PCGF3: variants seen among roughly 807,000 people sequenced by gnomAD.
PCGF3 encodes polycomb group ring finger 3, also known as polycomb group RING finger protein 3.
In PCGF3, 7 loss-of-function variants were observed where a neutral mutation model predicts 33.1. That is an observed-to-expected ratio of 0.21 (90% CI 0.12 to 0.40). The LOEUF (loss-of-function observed/expected upper bound fraction) is 0.40. Among genes scored for constraint, PCGF3 ranks in the 10% least tolerant of loss-of-function variants. The pLI is 1.00. For missense variants in PCGF3, 211 were observed against 313.3 expected (o/e 0.67, Z 2.46); for synonymous variants, 153 against 121.3 (o/e 1.26, Z -1.72).
exon 11 of PCGF3, chr4:767,914 T>G (rs1745450882): frequency 6.5e-6 from 1 of 152,688 alleles, no homozygotes; most frequent in Admixed American, 6.5e-5. Context: ...GTTATCACAG[T>G]GCAGTTTTAA....
intron 8 of PCGF3, chr4:757,774 CT>C (rs1744831640): frequency 1.3e-5 from 2 of 152,148 alleles, no homozygotes; most frequent in Admixed American, 6.6e-5. Context: ...GAATTAGTAA[CT>C]TTCTTTAATC....
intron 10 of PCGF3, among the ~76,000 whole-genome samples, chr4:765,747 G>A (rs1468936567): frequency 6.6e-6 from 1 of 152,134 alleles, no homozygotes; most frequent in East Asian, 1.9e-4. Flanking sequence ...AGGGGGCAGG[G>A]GAGTGGCAGC....
At chr4:733,081 C>G (rs373362838) in intron 3 of PCGF3, among the ~76,000 whole-genome samples, 426 of 54,976 alleles carry the variant, frequency 7.7e-3, no homozygotes, top group African/African-American at 0.058. Flanking sequence ...CGCCCCTGCC[C>G]CGTGCTGCCT....
intron 9 of PCGF3, among the ~76,000 whole-genome samples, chr4:763,468 C>T (rs574672490): frequency 6.6e-6 from 1 of 152,194 alleles, no homozygotes; most frequent in Admixed American, 6.5e-5. Context: ...TCATGCCTTC[C>T]CCAGGGAGGA....
intron 8 of PCGF3, chr4:757,828 C>T (rs180686031): frequency 6.6e-6 from 1 of 152,136 alleles, no homozygotes; most frequent in South Asian, 2.1e-4. Flanking sequence ...AGCTCTACTT[C>T]TGTTATACTA....
At chr4:768,140 G>C (rs966154473) in exon 11 of PCGF3, 4 of 152,638 alleles carry the variant, frequency 2.6e-5, no homozygotes, top group Non-Finnish European at 5.9e-5. Context: ...ATACACAGAC[G>C]GGCGAGTGGC....
At chr4:749,071 A>G (rs1744397170) in intron 8 of PCGF3, among the ~76,000 whole-genome samples, 1 of 152,196 alleles carries the variant, frequency 6.6e-6, no homozygotes, top group Admixed American at 6.5e-5. Flanking sequence ...TACTTTTACT[A>G]ATATTTACCT....
chr4:740,838 G>T (rs1002181408), intron 6 of PCGF3, among the ~76,000 whole-genome samples: 2 of 152,208 alleles, frequency 1.3e-5, no homozygotes, highest in African/African-American at 4.8e-5. Context: ...CCCGTCCGTG[G>T]TGCAGCTGAG....
chr4:757,013 G>C (rs1744798666), intron 8 of PCGF3: 1 of 152,218 alleles, frequency 6.6e-6, no homozygotes, highest in South Asian at 2.1e-4. Flanking sequence ...AATTCGTTCA[G>C]TCCTGAGGTT....
intron 9 of PCGF3, 90 bp downstream of exon 9, chr4:761,506 T>A (rs773382500): frequency 3.5e-6 from 5 of 1,448,828 alleles, no homozygotes; most frequent in Non-Finnish European, 4.6e-6. Context: ...TTTGTTTTGT[T>A]TTTAACAATT....
chr4:737,359 A>C, intron 5 of PCGF3, 107 bp from the exon 6 acceptor site: 2 of 753,938 alleles, frequency 2.7e-6, no homozygotes, highest in South Asian at 3.4e-5. Flanking sequence ...AATTCCAACA[A>C]AGCTCCAGAC....
chr4:725,025 C>G (rs1451892366), intron 1 of PCGF3: 1 of 152,022 alleles, frequency 6.6e-6, no homozygotes, highest in African/African-American at 2.4e-5. Flanking sequence ...TTTATACATA[C>G]CAATAGTTGT....
chr4:729,848 G>A (rs745987613), intron 1 of PCGF3, among the ~76,000 whole-genome samples: 1 of 152,158 alleles, frequency 6.6e-6, no homozygotes, highest in Non-Finnish European at 1.5e-5. Flanking sequence ...GACACTGTAC[G>A]TCATCCCAGG....
chr4:756,552 A>G (rs545025972), intron 8 of PCGF3, among the ~76,000 whole-genome samples: 82 of 152,272 alleles, frequency 5.4e-4, no homozygotes, highest in Non-Finnish European at 9.1e-4. Context: ...TTTAGTTTCC[A>G]GCTTCATAAT....
intron 8 of PCGF3, among the ~76,000 whole-genome samples, chr4:760,156 G>A (rs4690281): frequency 0.27 from 41,294 of 152,112 alleles, 6,648 homozygotes; most frequent in Middle Eastern, 0.42. Flanking sequence ...GCACCGTGTC[G>A]GAGTGGGTAT....
intron 1 of PCGF3, among the ~76,000 whole-genome samples, chr4:714,752 C>T: frequency 1.3e-5 from 2 of 152,332 alleles, no homozygotes; most frequent in South Asian, 4.1e-4. Context: ...TCAGTCTCAG[C>T]TGGAGAAAGC....
chr4:755,913 T>C (rs55662514), intron 8 of PCGF3, among the ~76,000 whole-genome samples: 7 of 121,444 alleles, frequency 5.8e-5, no homozygotes, highest in Non-Finnish European at 9.1e-5. Context: ...CCTTTTTTTT[T>C]TTTTTTTTTT....
chr4:766,892 C>T (rs574861366), exon 11 of PCGF3: 1 of 152,418 alleles, frequency 6.6e-6, no homozygotes, highest in East Asian at 1.9e-4. Flanking sequence ...CTTGTTCCCC[C>T]AAATTGTTGA....
exon 11 of PCGF3, chr4:769,764 T>C (rs549583848): frequency 7.4e-6 from 1 of 135,166 alleles, no homozygotes; most frequent in African/African-American, 4.0e-5. Context: ...TAATTGCCTA[T>C]CAGACGCATT....
Sources: allele counts gnomAD v4.1 joint callset (sites outside exome capture counted in the v4.1 genomes callset), GRCh38; gene constraint gnomAD v4.1.1; transcripts MANE v1.5; gene names NCBI Gene and HGNC (gene_info 2026-07-23, HGNC 2026-07-21).